P2RX3: variants seen among roughly 807,000 people sequenced by gnomAD.
The protein encoded by P2RX3 is purinergic receptor P2X 3, also known as P2X purinoceptor 3.
Under a neutral mutation model 51.5 loss-of-function variants are expected in P2RX3, and 41 were observed. The observed-to-expected ratio is 0.80, with a 90% confidence interval of 0.62 to 1.03. The LOEUF is 1.03. Ranked by LOEUF, P2RX3 falls within the 50% of genes least tolerant of loss-of-function variation. The pLI, the probability that P2RX3 is intolerant of heterozygous loss-of-function variation, is 0.00. For missense variants in P2RX3, 459 were observed against 522.1 expected, an observed-to-expected ratio of 0.88 and a Z score of 1.18; for synonymous variants, 185 against 191.6, an observed-to-expected ratio of 0.97 and a Z score of 0.29.
intron 1 of P2RX3, chr11:57,340,472 C>T (rs1265322551): frequency 6.6e-6 from 1 of 152,448 alleles, no homozygotes; most frequent in African/African-American, 2.4e-5. Flanking sequence ...CCCTCTGCAG[C>T]CCAGCCCCCT....
chr11:57,370,111 A>G lies in P2RX3; in HGVS notation c.*114A>G, dbSNP rs1400635801. ...GGCTCTCATTTCTGCTGCTCATTCC[A>G]TGAGCATAGCTGGGACCCAAGTGTC... On this transcript the variant is annotated 3_prime_UTR_variant, in exon 12 of 12. Transcript: ENST00000263314. 16 of 756,018 alleles carry G rather than the reference A, an allele frequency of 2.1e-5. No individual in the cohort carries two copies. The highest frequency in any genetic ancestry group is 5.2e-5 in the African/African-American group (3 of 57,390). The allele number at this position is 756,018 out of a possible 1,614,324, so 46.8% of individuals were successfully genotyped here.
chr11:57,343,030 A>G (rs1856370179), intron 1 of P2RX3, among the ~76,000 whole-genome samples: 1 of 152,218 alleles, frequency 6.6e-6, no homozygotes, highest in South Asian at 2.1e-4. Context: ...AGTAAATGCC[A>G]AGAATCGAAG....
Position 57,349,767 on chromosome 11 carries a change from C to T in P2RX3, c.574C>T (p.Leu192Phe), listed in dbSNP as rs756929480. The change falls in exon 7 of 12, where the codon CTT (leucine) becomes TTT (phenylalanine). Residue 192 changes from leucine to phenylalanine, a missense_variant. By Grantham distance (22) the Leu-to-Phe change is conservative. Coordinates refer to ENST00000263314, the MANE Select transcript of P2RX3 (RefSeq NM_002559.5). ...PLFNFEKGNLLPNLTARDMKT... is the reference protein window; with the variant it reads ...PLFNFEKGNLFPNLTARDMKT... ...TCTGCTCCTCCCCAGGGGAAACCTC[C>T]TTCCCAACCTGACAGCCAGGGACAT... The T allele has an allele frequency of 3.7e-5, 59 of 1,614,182 alleles. 1 individual carries two copies. In the Admixed American group the frequency reaches 5.3e-4, roughly 15 times the overall value.
rs979894038 is a variant in P2RX3 at position 57,370,769 on chromosome 11, G to A, written c.*772G>A. 2.6e-5 allele frequency among the ~76,000 whole-genome samples: 4 copies of A among 152,194 alleles called. No homozygotes were observed. Among genetic ancestry groups the A allele is most frequent in the Non-Finnish European group, 5.9e-5 (4 of 68,028 alleles). On this transcript the variant is annotated 3_prime_UTR_variant, in exon 12 of 12. Coordinates refer to ENST00000263314, the MANE Select transcript of P2RX3 (RefSeq NM_002559.5). ...ATAGCTCTCTCCCCAAACCAGGGAAGGGGTCATTCTTGTTCTTCTCTGGGA... is the reference window on the plus strand; with the variant it reads ...ATAGCTCTCTCCCCAAACCAGGGAAAGGGTCATTCTTGTTCTTCTCTGGGA...
At chr11:57,368,510 G>A (rs1856832087) in intron 10 of P2RX3, 73 bp downstream of exon 10, 4 of 1,544,636 alleles carry the variant, frequency 2.6e-6, no homozygotes, top group African/African-American at 1.4e-5. Flanking sequence ...AGGCAGGGGA[G>A]TGACGGCGGC....
intron 1 of P2RX3, among the ~76,000 whole-genome samples, chr11:57,345,881 C>G (rs2134412974): frequency 6.6e-6 from 1 of 151,722 alleles, no homozygotes; most frequent in East Asian, 1.9e-4. Context: ...CCCCAGCCCC[C>G]CCACCTTCAA....
At chr11:57,369,844 C>T (rs747538001) in intron 11 of P2RX3, 40 bp from the exon 12 acceptor site, 2 of 1,406,734 alleles carry the variant, frequency 1.4e-6, no homozygotes, top group Non-Finnish European at 2.0e-6. Flanking sequence ...GGACATTGCC[C>T]ATAGTCAGAA....
At chr11:57,342,710 G>A (rs1188556136) in intron 1 of P2RX3, among the ~76,000 whole-genome samples, 1 of 152,090 alleles carries the variant, frequency 6.6e-6, no homozygotes, top group Non-Finnish European at 1.5e-5. Context: ...GTGCCTTGCG[G>A]AGATGGTGAC....
chr11:57,347,341 G>A, intron 3 of P2RX3, 74 bp from the exon 4 acceptor site: 1 of 1,514,696 alleles, frequency 6.6e-7, no homozygotes, highest in South Asian at 1.2e-5. Context: ...TGGTTATGGG[G>A]AGGTCGAGGG....
intron 8 of P2RX3, among the ~76,000 whole-genome samples, chr11:57,362,684 G>C (rs1318119853): frequency 6.6e-6 from 1 of 152,214 alleles, no homozygotes; most frequent in African/African-American, 2.4e-5. Context: ...GCCTGGGTTC[G>C]AATCCCAGCT....
At chr11:57,366,739 C>G (rs1856802467) in intron 8 of P2RX3, among the ~76,000 whole-genome samples, 1 of 152,160 alleles carries the variant, frequency 6.6e-6, no homozygotes, top group African/African-American at 2.4e-5. Flanking sequence ...AGTCTTCCTA[C>G]TGGTGGGGAC....
Position 57,370,134 on chromosome 11 carries a change from G to A in P2RX3, c.*137G>A. ...CCATGAGCATAGCTGGGACCCAAGT[G>A]TCTGGGCCTCCGACTGCTCCAGCAG... is the stretch of plus-strand genomic sequence containing the variant. On this transcript the variant is annotated 3_prime_UTR_variant, in exon 12 of 12. Transcript: ENST00000263314. 1.5e-6 allele frequency: 1 copy of A among 653,104 alleles called. No individual in the cohort carries two copies. Among genetic ancestry groups the A allele is most frequent in the South Asian group, 1.9e-5 (1 of 51,722 alleles). The allele number at this position is 653,104 out of a possible 1,614,324, so 40.5% of individuals were successfully genotyped here.
Position 57,348,711 on chromosome 11 carries a change from C to T in P2RX3, c.563+7C>T, listed in dbSNP as rs770597598. 2 of 1,608,378 alleles carry T rather than the reference C, an allele frequency of 1.2e-6. No homozygotes were observed. Among genetic ancestry groups the T allele is most frequent in the Non-Finnish European group, 1.7e-6 (2 of 1,175,966 alleles). On this transcript the variant is annotated splice_region_variant and intron_variant, in intron 6 of 11. Transcript: ENST00000263314. The stretch of plus-strand genomic sequence containing the variant: ...CCCTCTTCAACTTTGAGAAGTGAGT[C>T]CCCACTCCTTCCCTAAAGCCAAGAT...
chr11:57,350,637 C>A, intron 7 of P2RX3, 125 bp from the exon 8 acceptor site: 3 of 1,332,234 alleles, frequency 2.3e-6, no homozygotes, highest in Admixed American at 2.1e-5. Flanking sequence ...GTTCTCCCTG[C>A]CTCCGTCTCC....
intron 1 of P2RX3, 79 bp downstream of exon 1, chr11:57,338,748 C>A: frequency 2.1e-6 from 2 of 945,672 alleles, no homozygotes; most frequent in Non-Finnish European, 1.7e-6. Flanking sequence ...TCGGTGCTAC[C>A]ATCCAGCTTC....
intron 1 of P2RX3, among the ~76,000 whole-genome samples, chr11:57,340,369 T>C (rs572518720): frequency 6.6e-6 from 1 of 152,174 alleles, no homozygotes; most frequent in East Asian, 1.9e-4. Context: ...CTGGAGCGAG[T>C]GTGCGAAGCT....
chr11:57,370,110 C>T lies in P2RX3; in HGVS notation c.*113C>T. 1.3e-6 allele frequency: 1 copy of T among 755,980 alleles called. No individual in the cohort carries two copies. The highest frequency in any genetic ancestry group is 2.2e-6 in the Non-Finnish European group (1 of 453,976). The allele number at this position is 755,980 out of a possible 1,614,324, so 46.8% of individuals were successfully genotyped here. A position where few individuals can be genotyped will look rare whatever the true frequency, so the allele number is the denominator to read the frequency against. On this transcript the variant is annotated 3_prime_UTR_variant, in exon 12 of 12. Coordinates refer to ENST00000263314, the MANE Select transcript of P2RX3 (RefSeq NM_002559.5). ...GGGCTCTCATTTCTGCTGCTCATTC[C>T]ATGAGCATAGCTGGGACCCAAGTGT...
chr11:57,338,540 A>G lies in P2RX3; in HGVS notation c.-11A>G, dbSNP rs1486631484. The G allele has an allele frequency of 2.5e-6, 4 of 1,569,404 alleles. No homozygotes were observed. The East Asian group carries it at 9.1e-5, about 36-fold the overall frequency. On this transcript the variant is annotated 5_prime_UTR_variant, in exon 1 of 12. Coordinates refer to ENST00000263314, the MANE Select transcript of P2RX3 (RefSeq NM_002559.5). ...GCCCCCTTCTGAGTGTCCCCTGAGC[A>G]CTCTCTCAGCATGAACTGCATATCC...
At chr11:57,353,111 C>T (rs1452779673) in intron 8 of P2RX3, among the ~76,000 whole-genome samples, 1 of 152,202 alleles carries the variant, frequency 6.6e-6, no homozygotes, top group Non-Finnish European at 1.5e-5. Context: ...TAAGAGCCCA[C>T]GTGTGGGAGG....
Sources: allele counts gnomAD v4.1 joint callset (sites outside exome capture counted in the v4.1 genomes callset), GRCh38; gene constraint gnomAD v4.1.1; transcripts MANE v1.5; gene names NCBI Gene and HGNC (gene_info 2026-07-23, HGNC 2026-07-21).